Variants in MAN2B2 observed in about 807,000 individuals in gnomAD.
MAN2B2 encodes the protein mannosidase alpha class 2B member 2.
A neutral mutation model predicts 117.1 loss-of-function variants in MAN2B2; 106 were observed. The ratio of observed to expected loss-of-function variants is 0.90; its 90% CI spans 0.77 to 1.06. The LOEUF (loss-of-function observed/expected upper bound fraction) is 1.06, where lower values mean the gene tolerates loss of function less well. MAN2B2 is among the 50% of genes least tolerant of loss of function. MAN2B2 has a pLI of 0.00. For missense variants in MAN2B2, 1,326 were observed against 1,381.4 expected (o/e 0.96, Z 0.64); for synonymous variants, 544 against 595.1 (o/e 0.91, Z 1.25).
At chr4:6,583,486 A>C (rs1169778794) in intron 3 of MAN2B2, among the ~76,000 whole-genome samples, 1 of 152,208 alleles carries the variant, frequency 6.6e-6, no homozygotes, top group Non-Finnish European at 1.5e-5. Flanking sequence ...TTTGGTCATG[A>C]ATCACCCTGA....
intron 16 of MAN2B2, among the ~76,000 whole-genome samples, chr4:6,616,747 G>A (rs536415319): frequency 2.6e-5 from 4 of 152,170 alleles, no homozygotes; most frequent in Non-Finnish European, 4.4e-5. Context: ...AAACATTGCA[G>A]CTGGTGTCAT....
rs1008747606 is a variant in MAN2B2 at position 6,582,420 on chromosome 4, T to C, written c.391+3922T>C. 4.6e-5 allele frequency among the ~76,000 whole-genome samples: 7 copies of C among 152,072 alleles called. No homozygotes were observed. In the South Asian group the frequency reaches 1.0e-3, roughly 23 times the overall value. On this transcript the variant is annotated intron_variant, in intron 3 of 18. Coordinates refer to ENST00000285599, the MANE Select transcript of MAN2B2 (RefSeq NM_015274.3). Reference sequence around the variant, plus strand: ...GTGGCGCAATCTCGGCTCACTGCAATCTCTACCTCGCAGGTTCAAGCAATT... The same window carrying C: ...GTGGCGCAATCTCGGCTCACTGCAACCTCTACCTCGCAGGTTCAAGCAATT...
At position 6,587,057 on chromosome 4, in the gene MAN2B2, C is replaced by G. The variant is rs771301336; in HGVS notation, c.453C>G (p.Asp151Glu). ...GGCCACAGTTCTCCTGGCACGTTGA[C>G]CCGTTTGGCGCCTCTGCCACGACGC... ...GIRPQFSWHV[D>E]PFGASATTPT... Residue 151 changes from aspartate (D) to glutamate (E), a missense_variant, in exon 4 of 19, where the codon GAC becomes GAG. Transcript: ENST00000285599. 42 of 1,613,946 alleles carry G rather than the reference C, an allele frequency of 2.6e-5. No homozygotes were observed. The highest frequency in any genetic ancestry group is 3.5e-5 in the Non-Finnish European group (41 of 1,180,028).
chr4:6,591,403 C>A (rs547479453), intron 5 of MAN2B2, among the ~76,000 whole-genome samples: 1 of 152,226 alleles, frequency 6.6e-6, no homozygotes, highest in African/African-American at 2.4e-5. Flanking sequence ...TCGCCAAGGC[C>A]CCGTGGGAGT....
intron 9 of MAN2B2, among the ~76,000 whole-genome samples, chr4:6,600,215 T>C (rs1311876366): frequency 6.6e-6 from 1 of 152,158 alleles, no homozygotes; most frequent in Non-Finnish European, 1.5e-5. Flanking sequence ...CAGAGAATTC[T>C]CTGGTGGCTC....
At chr4:6,613,246 A>C (rs1264849347) in intron 15 of MAN2B2, among the ~76,000 whole-genome samples, 2 of 152,172 alleles carry the variant, frequency 1.3e-5, no homozygotes, top group African/African-American at 4.8e-5. Flanking sequence ...CAGAGAGACC[A>C]GTAGATGACA....
rs10000264 is a variant in MAN2B2, at chr4:6,605,444, G to A, written c.1814+115G>A. ...TTGCCTGGGGGAAGGACAGATGGTGGTGAAACCCCTTCCTGCTATTGTGAT... is the reference window on the plus strand; with the variant it reads ...TTGCCTGGGGGAAGGACAGATGGTGATGAAACCCCTTCCTGCTATTGTGAT... On this transcript the variant is annotated intron_variant, in intron 11 of 18. Coordinates refer to ENST00000285599, the MANE Select transcript of MAN2B2 (RefSeq NM_015274.3). 5,455 of 1,196,458 alleles carry A rather than the reference G, an allele frequency of 4.6e-3. 211 individuals carry two copies. The African/African-American group carries it at 0.076, about 17-fold the overall frequency. 74.1% of individuals were successfully genotyped at this position (1,196,458 alleles called of 1,614,324 possible). A position where few individuals can be genotyped will look rare whatever the true frequency, so the allele number is the denominator to read the frequency against.
At chr4:6,596,629 G>A (rs1301515346) in intron 7 of MAN2B2, among the ~76,000 whole-genome samples, 11 of 152,132 alleles carry the variant, frequency 7.2e-5, no homozygotes, top group East Asian at 3.9e-4. Context: ...CTCCCTGGAC[G>A]CCCAGAGAAT....
intron 9 of MAN2B2, 122 bp downstream of exon 9, chr4:6,598,476 C>T: frequency 9.1e-7 from 1 of 1,095,714 alleles, no homozygotes. Context: ...TATCGCCCTT[C>T]CCCATGGTGA....
chr4:6,619,803 A>C, intron 17 of MAN2B2, 124 bp from the exon 18 acceptor site: 1 of 757,126 alleles, frequency 1.3e-6, no homozygotes, highest in South Asian at 1.6e-5. Flanking sequence ...GTCAGGCACC[A>C]GGGGAGGACC....
At chr4:6,617,540 C>G (rs1289926794) in intron 17 of MAN2B2, 48 bp downstream of exon 17, 4 of 1,605,002 alleles carry the variant, frequency 2.5e-6, no homozygotes, top group African/African-American at 2.7e-5. Flanking sequence ...GAAGCAAACC[C>G]TAGATGAAGC....
chr4:6,619,900 A>G (rs990739863), intron 17 of MAN2B2, 27 bp from the exon 18 acceptor site: 16 of 1,596,364 alleles, frequency 1.0e-5, no homozygotes, highest in Non-Finnish European at 1.3e-5. Context: ...GGTGCAGCTC[A>G]CTCTCCCTCT....
chr4:6,591,215 G>C (rs1025802092), intron 5 of MAN2B2, among the ~76,000 whole-genome samples: 1 of 151,990 alleles, frequency 6.6e-6, no homozygotes, highest in Non-Finnish European at 1.5e-5. Flanking sequence ...GGAATAAATC[G>C]CTCCTCATCC....
rs765458727 is a variant in MAN2B2 at position 6,589,159 on chromosome 4, A to G, written c.679A>G (p.Arg227Gly). The change falls in exon 5 of 19, where the codon AGG (arginine) becomes GGG (glycine). Residue 227 changes from arginine to glycine, a missense_variant and splice_region_variant. Physicochemically the swap from Arg to Gly is moderately radical, Grantham distance 125 (BLOSUM62 -2). Transcript: ENST00000285599. ...CCCGTCCCACATCCCTTTCTCCAAC[A>G]GGTACGTGCCCTTCCGCAGTGCCTT... ...CTPSHIPFSN[R>G]SGFYWNGVAV... 12 of 1,611,020 alleles carry G rather than the reference A, an allele frequency of 7.4e-6. No homozygotes were observed. Among genetic ancestry groups the G allele is most frequent in the Non-Finnish European group, 9.3e-6 (11 of 1,177,236 alleles).
At chr4:6,610,819 G>A in intron 13 of MAN2B2, 61 bp from the exon 14 acceptor site, 2 of 1,463,026 alleles carry the variant, frequency 1.4e-6, no homozygotes, top group African/African-American at 1.4e-5. Flanking sequence ...GCCAGAGGGT[G>A]ATGCCTGACC....
At chr4:6,579,594 TACC>T (rs1034489023) in intron 3 of MAN2B2, among the ~76,000 whole-genome samples, 11 of 147,606 alleles carry the variant, frequency 7.5e-5, no homozygotes, top group Admixed American at 3.3e-4. Context: ...CCATCACCAC[TACC>T]ACCATCATCT....
chr4:6,579,723 C>G (rs1726356488), intron 3 of MAN2B2, among the ~76,000 whole-genome samples: 1 of 152,138 alleles, frequency 6.6e-6, no homozygotes, highest in Admixed American at 6.5e-5. Context: ...TTACTACCAT[C>G]CCCTCCACAA....
chr4:6,604,587 T>C (rs1406290160), intron 10 of MAN2B2, among the ~76,000 whole-genome samples: 1 of 151,710 alleles, frequency 6.6e-6, no homozygotes, highest in Non-Finnish European at 1.5e-5. Context: ...GGAAGGGCCA[T>C]CGTTGGATGG....
chr4:6,580,837 C>T (rs1577272060), intron 3 of MAN2B2, among the ~76,000 whole-genome samples: 2 of 152,192 alleles, frequency 1.3e-5, no homozygotes, highest in Admixed American at 1.3e-4. Context: ...CTGGCCTCAG[C>T]CCACCGTGCC....
Sources: gnomAD v4.1 joint callset for allele counts (sites outside exome capture counted in the v4.1 genomes callset) on GRCh38, gnomAD v4.1.1 for gene constraint, MANE v1.5 for transcripts, NCBI Gene and HGNC (gene_info 2026-07-23, HGNC 2026-07-21) for gene names.